Variants in NLRP14 observed in about 807,000 individuals in gnomAD.
NLRP14 encodes the protein NACHT, LRR and PYD domains-containing protein 14.
In NLRP14, 105 loss-of-function variants were observed where a neutral mutation model predicts 94.7. The ratio of observed to expected loss-of-function variants is 1.11; its 90% CI spans 0.95 to 1.30. NLRP14 has a LOEUF of 1.30. Among genes scored for constraint, NLRP14 ranks in the 50% most tolerant of loss-of-function variants. The pLI, the probability that NLRP14 is intolerant of heterozygous loss-of-function variation, is 0.00. For synonymous variants in NLRP14, 508 were observed against 459.9 expected (o/e 1.10, Z -1.34); for missense variants, 1,362 against 1,254.1 (o/e 1.09, Z -1.30).
In NLRP14 at chr11:7,038,585, AG is replaced by A. The variant is rs774258536; in HGVS notation, c.-1del. The A allele has an allele frequency of 4.1e-5, 66 of 1,613,424 alleles. No homozygotes were observed. Among genetic ancestry groups the A allele is most frequent in the Admixed American group, 1.5e-4 (9 of 60,008 alleles). ...CCACAGAGGCCTGAATATTTGGACA[AG>A]ATGGCAGATTCATCATCATCTTCTT... On this transcript the variant is annotated 5_prime_UTR_variant, in exon 2 of 12. Transcript: ENST00000299481.
chr11:7,035,774 T>C (rs958427426), intron 1 of NLRP14, among the ~76,000 whole-genome samples: 1 of 152,190 alleles, frequency 6.6e-6, no homozygotes, highest in African/African-American at 2.4e-5. Flanking sequence ...ATGATAGTCA[T>C]GCTATATTTA....
chr11:7,029,989 C>A (rs10769758), intron 1 of NLRP14, among the ~76,000 whole-genome samples: 88,608 of 152,022 alleles, frequency 0.58, 26,699 homozygotes, highest in East Asian at 0.74. Context: ...TTGCCAATAA[C>A]GCTTAAAGTT....
the NLRP14 span, chr11:7,088,980 C>A: frequency 3.1e-6 from 3 of 978,440 alleles, no homozygotes; most frequent in Admixed American, 2.3e-5. Context: ...TGCAGCGGGG[C>A]TCCGGCTGCG....
At position 7,043,098 on chromosome 11, in the gene NLRP14, A is replaced by T. The variant is rs775443540; in HGVS notation, c.1072A>T (p.Ser358Cys). ...CATGAAAGTATTCAGTTCACTAAAA[A>T]GCAATGAGATGCTGTTTAGCATGTG... Reference protein sequence around the residue: ...WAMKVFSSLKSNEMLFSMCQV... With the variant: ...WAMKVFSSLKCNEMLFSMCQV... The change falls in exon 4 of 12, where the codon AGC (serine) becomes TGC (cysteine). Residue 358 changes from serine (S) to cysteine (C), a missense_variant. Transcript: ENST00000299481. The T allele has an allele frequency of 6.2e-7, 1 of 1,614,200 alleles. No individual in the cohort carries two copies. The highest frequency in any genetic ancestry group is 1.7e-5 in the Admixed American group (1 of 60,022).
In NLRP14 at chr11:7,043,739, C is replaced by T. The variant is rs748195871; in HGVS notation, c.1713C>T (p.Asp571=). ...LQCMEVLGNS[D]YSPSQLGFLE... ...GTATGGAAGTATTAGGAAACAGTGA[C>T]TATTCTCCATCACAGCTGGGATTTC... Residue 571 remains aspartate (D), a synonymous_variant, in exon 4 of 12, where the codon GAC becomes GAT. Coordinates refer to ENST00000299481, the MANE Select transcript of NLRP14 (RefSeq NM_176822.4). 3 of 1,614,086 alleles carry T rather than the reference C, an allele frequency of 1.9e-6. No individual in the cohort carries two copies. Among genetic ancestry groups the T allele is most frequent in the South Asian group, 2.2e-5 (2 of 91,088 alleles).
intron 1 of NLRP14, among the ~76,000 whole-genome samples, chr11:7,030,906 G>C (rs1852082757): frequency 6.6e-6 from 1 of 152,180 alleles, no homozygotes; most frequent in Admixed American, 6.5e-5. Context: ...ATCCTATATT[G>C]AACACTGAAT....
At chr11:7,046,102 G>A (rs1221603599) in intron 4 of NLRP14, among the ~76,000 whole-genome samples, 1 of 152,074 alleles carries the variant, frequency 6.6e-6, no homozygotes, top group South Asian at 2.1e-4. Flanking sequence ...AAAGTTTACA[G>A]TGTGCTTTTG....
chr11:7,026,900 A>G (rs191102993), intron 1 of NLRP14, among the ~76,000 whole-genome samples: 5 of 152,116 alleles, frequency 3.3e-5, no homozygotes, highest in African/African-American at 7.2e-5. Context: ...AGCATGGCAC[A>G]TGTATACGTA....
At chr11:7,051,161 C>T (rs557181171) in intron 6 of NLRP14, among the ~76,000 whole-genome samples, 1 of 152,280 alleles carries the variant, frequency 6.6e-6, no homozygotes, top group Non-Finnish European at 1.5e-5. Context: ...TAGTAGGGCT[C>T]CTTGCAACAG....
downstream of NLRP14, among the ~76,000 whole-genome samples, chr11:7,074,504 C>G (rs1852849039): frequency 6.6e-6 from 1 of 152,182 alleles, no homozygotes; most frequent in Non-Finnish European, 1.5e-5. Context: ...CCAAGCTGCC[C>G]AAGGAAAACT....
At chr11:7,026,927 A>G (rs916808141) in intron 1 of NLRP14, among the ~76,000 whole-genome samples, 11 of 152,038 alleles carry the variant, frequency 7.2e-5, no homozygotes, top group African/African-American at 2.7e-4. Context: ...TAACCTGCAC[A>G]TTATGCACAT....
chr11:7,056,716 T>C (rs1852521248), intron 6 of NLRP14, among the ~76,000 whole-genome samples: 2 of 151,980 alleles, frequency 1.3e-5, no homozygotes, highest in Admixed American at 6.6e-5. Flanking sequence ...GCAACCTAAA[T>C]GTCCATCAAA....
rs773017215 is a variant in NLRP14 at position 7,062,327 on chromosome 11, T to C, written c.2805-6T>C. On this transcript the variant is annotated splice_polypyrimidine_tract_variant and splice_region_variant and intron_variant, in intron 9 of 11. Transcript: ENST00000299481. The stretch of plus-strand genomic sequence containing the variant: ...GGATTCACTTTTCCTATTGTAATTC[T>C]TACAGATTGATGGGCTGTGTTCTCA... 25 of 1,611,110 alleles carry C rather than the reference T, an allele frequency of 1.6e-5. No homozygotes were observed. The African/African-American group carries it at 3.1e-4, about 20-fold the overall frequency.
At chr11:7,040,376 A>G (rs1184196825) in intron 3 of NLRP14, among the ~76,000 whole-genome samples, 4 of 152,188 alleles carry the variant, frequency 2.6e-5, no homozygotes, top group African/African-American at 7.2e-5. Context: ...CACGAACCCT[A>G]TTGTGAACTG....
rs531317826 is a variant in NLRP14, at chr11:7,042,302, C to T, written c.362-86C>T. 400 of 1,090,046 alleles carry T rather than the reference C, an allele frequency of 3.7e-4. 5 individuals are homozygous for T. The South Asian group carries it at 5.0e-3, about 14-fold the overall frequency. The allele number at this position is 1,090,046 out of a possible 1,614,324, so 67.5% of individuals were successfully genotyped here. A position where few individuals can be genotyped will look rare whatever the true frequency, so the allele number is the denominator to read the frequency against. On this transcript the variant is annotated intron_variant, in intron 3 of 11. Transcript: ENST00000299481. ...TCTTTCTTGTTCCTAATTCCAAGTT[C>T]GGTATTCTTGACATTACATTTCATA...
intron 1 of NLRP14, among the ~76,000 whole-genome samples, chr11:7,024,794 C>T (rs1302928387): frequency 6.6e-6 from 1 of 151,246 alleles, no homozygotes. Flanking sequence ...TCTAATTAAG[C>T]ATGTTAGCAA....
At chr11:7,090,083 C>T in the NLRP14 span, 19 of 1,611,336 alleles carry the variant, frequency 1.2e-5, no homozygotes, top group Admixed American at 1.3e-4. Flanking sequence ...CCTACAGCGG[C>T]GGCCGCGACA....
chr11:7,034,365 A>G (rs1208543276), intron 1 of NLRP14, among the ~76,000 whole-genome samples: 1 of 152,070 alleles, frequency 6.6e-6, no homozygotes, highest in Non-Finnish European at 1.5e-5. Flanking sequence ...TTCTGGCACT[A>G]TGAGATGCTA....
intron 1 of NLRP14, among the ~76,000 whole-genome samples, chr11:7,036,465 A>G (rs1227298278): frequency 1.3e-5 from 2 of 152,200 alleles, no homozygotes; most frequent in Non-Finnish European, 2.9e-5. Context: ...GGAGGAGGAA[A>G]ATGAAAAAAG....
Sources: gnomAD v4.1 joint callset for allele counts (sites outside exome capture counted in the v4.1 genomes callset) on GRCh38, gnomAD v4.1.1 for gene constraint, MANE v1.5 for transcripts, NCBI Gene and HGNC (gene_info 2026-07-23, HGNC 2026-07-21) for gene names.